The following BCKDHB variants were observed in gnomAD, a reference collection of about 807,000 sequenced individuals.
BCKDHB encodes branched chain keto acid dehydrogenase E1 subunit beta, also known as 2-oxoisovalerate dehydrogenase subunit beta, mitochondrial.
In BCKDHB, 41 loss-of-function variants were observed where a neutral mutation model predicts 48.5. The ratio of observed to expected loss-of-function variants is 0.85; its 90% CI spans 0.66 to 1.10. BCKDHB has a LOEUF of 1.10. BCKDHB is among the 50% of genes least tolerant of loss of function. The pLI is 0.00. For synonymous variants in BCKDHB, 201 were observed against 174.8 expected, an observed-to-expected ratio of 1.15 and a Z score of -1.18; for missense variants, 496 against 494.2, an observed-to-expected ratio of 1.00 and a Z score of -0.03.
At chr6:80,396,877 C>T in the BCKDHB span, among the ~76,000 whole-genome samples, 4,790 of 152,212 alleles carry the variant, frequency 0.031, 271 homozygotes, top group African/African-American at 0.11. Context: ...TAAATCACCC[C>T]GTCTTGGGTA....
intron 9 of BCKDHB, among the ~76,000 whole-genome samples, chr6:80,309,946 C>T (rs1049498659): frequency 6.6e-6 from 1 of 152,162 alleles, no homozygotes; most frequent in African/African-American, 2.4e-5. Context: ...TAAGTGAGAA[C>T]ATGTATTCAG....
the BCKDHB span, among the ~76,000 whole-genome samples, chr6:80,466,369 G>A: frequency 1.3e-5 from 2 of 152,124 alleles, no homozygotes; most frequent in Admixed American, 1.3e-4. Flanking sequence ...GTGAGAAAGA[G>A]CATGTCAGAT....
intron 9 of BCKDHB, among the ~76,000 whole-genome samples, chr6:80,274,829 C>A (rs1050418014): frequency 6.6e-6 from 1 of 151,888 alleles, no homozygotes; most frequent in African/African-American, 2.4e-5. Context: ...ATAATCTAAT[C>A]CAGTGTCTCT....
At chr6:80,414,325 C>CT in the BCKDHB span, among the ~76,000 whole-genome samples, 113 of 152,026 alleles carry the variant, frequency 7.4e-4, no homozygotes, top group African/African-American at 2.5e-3. Context: ...TCAATTTTGG[C>CT]TTTTTTTGCC....
chr6:80,290,658 A>G (rs531835662), intron 9 of BCKDHB, among the ~76,000 whole-genome samples: 3 of 152,324 alleles, frequency 2.0e-5, no homozygotes, highest in East Asian at 1.9e-4. Context: ...AGTGGTCCCA[A>G]TTCAGACCCC....
chr6:80,246,977 G>A (rs1776645234), intron 8 of BCKDHB, among the ~76,000 whole-genome samples: 1 of 151,636 alleles, frequency 6.6e-6, no homozygotes, highest in Non-Finnish European at 1.5e-5. Context: ...CATCCTAGAA[G>A]GCAATCAAAC....
the BCKDHB span, among the ~76,000 whole-genome samples, chr6:80,433,076 C>T: frequency 6.6e-6 from 1 of 152,136 alleles, no homozygotes; most frequent in African/African-American, 2.4e-5. Context: ...AGCCAGAGCT[C>T]TCCTGTATGA....
chr6:80,384,695 C>T, the BCKDHB span, among the ~76,000 whole-genome samples: 1 of 152,108 alleles, frequency 6.6e-6, no homozygotes, highest in African/African-American at 2.4e-5. Flanking sequence ...GCTCTCCTTG[C>T]TCCTCAAGCT....
intron 3 of BCKDHB, among the ~76,000 whole-genome samples, chr6:80,131,369 T>G (rs564940716): frequency 2.0e-5 from 3 of 152,328 alleles, no homozygotes; most frequent in Non-Finnish European, 2.9e-5. Flanking sequence ...ATCCATTTAG[T>G]TACCTAAGCC....
At chr6:80,453,784 G>C in the BCKDHB span, among the ~76,000 whole-genome samples, 8,628 of 152,100 alleles carry the variant, frequency 0.057, 792 homozygotes, top group African/African-American at 0.19. Flanking sequence ...GAGGATTATA[G>C]TGCATTATTT....
intron 8 of BCKDHB, among the ~76,000 whole-genome samples, chr6:80,270,048 A>G (rs1188584018): frequency 3.9e-5 from 6 of 152,106 alleles, no homozygotes; most frequent in African/African-American, 1.2e-4. Context: ...TAGATTTATA[A>G]TGATCTCATT....
In BCKDHB at chr6:80,235,390, G is replaced by T. The variant is rs144891417; in HGVS notation, c.951+32178G>T. Among the ~76,000 whole-genome samples the T allele has an allele frequency of 4.8e-3, 729 of 152,282 alleles. 8 individuals are homozygous for T. The highest frequency in any genetic ancestry group is 0.017 in the African/African-American group (691 of 41,566). The stretch of plus-strand genomic sequence containing the variant: ...TTTTTATAACCTCATAACCTAAAGG[G>T]ATAGTTGCTGTTAATCATTTCCATT... On this transcript the variant is annotated intron_variant, in intron 8 of 9. Transcript: ENST00000320393.
chr6:80,141,328 A>C (rs1771200272), intron 3 of BCKDHB, among the ~76,000 whole-genome samples: 1 of 152,122 alleles, frequency 6.6e-6, no homozygotes. Context: ...GGTTTTGATT[A>C]GTCATGAAAT....
chr6:80,359,881 C>T, the BCKDHB span, among the ~76,000 whole-genome samples: 5 of 152,114 alleles, frequency 3.3e-5, no homozygotes, highest in Admixed American at 1.3e-4. Flanking sequence ...TGAGCCACTG[C>T]GCCTGGCCAA....
At chr6:80,252,021 G>A (rs1264885031) in intron 8 of BCKDHB, among the ~76,000 whole-genome samples, 1 of 152,182 alleles carries the variant, frequency 6.6e-6, no homozygotes, top group Non-Finnish European at 1.5e-5. Context: ...CTTACTGTAG[G>A]CATTACGTTG....
intron 9 of BCKDHB, 35 bp from the exon 10 acceptor site, chr6:80,343,629 A>G (rs771449340): frequency 6.2e-7 from 1 of 1,613,012 alleles, no homozygotes; most frequent in South Asian, 1.1e-5. Flanking sequence ...AGTAAAAAAA[A>G]TTCTTGAAGT....
chr6:80,319,814 TAAATA>T (rs2128001002), intron 9 of BCKDHB, among the ~76,000 whole-genome samples: 1 of 152,314 alleles, frequency 6.6e-6, no homozygotes, highest in Admixed American at 6.5e-5. Flanking sequence ...ATTATAATCT[TAAATA>T]AAAGTGAAGT....
the BCKDHB span, among the ~76,000 whole-genome samples, chr6:80,360,984 A>G: frequency 2.1e-5 from 3 of 146,322 alleles, no homozygotes; most frequent in African/African-American, 7.5e-5. Flanking sequence ...AGCCTGGGTG[A>G]CAGAGCAAGA....
intron 6 of BCKDHB, among the ~76,000 whole-genome samples, chr6:80,196,250 T>A (rs1461491484): frequency 6.6e-6 from 1 of 152,146 alleles, no homozygotes; most frequent in Non-Finnish European, 1.5e-5. Context: ...AATATGTAAA[T>A]CTGATTTTGT....
Sources: allele counts gnomAD v4.1 joint callset (sites outside exome capture counted in the v4.1 genomes callset), GRCh38; gene constraint gnomAD v4.1.1; transcripts MANE v1.5; gene names NCBI Gene and HGNC (gene_info 2026-07-23, HGNC 2026-07-21).